Variants in ZDHHC21 observed in about 807,000 individuals in gnomAD.
The protein encoded by ZDHHC21 is zDHHC palmitoyltransferase 21.
ZDHHC21 carries 15 observed loss-of-function variants against 34.6 expected under a neutral mutation model. That is an observed-to-expected ratio of 0.43 (90% CI 0.29 to 0.67). The LOEUF is 0.67. ZDHHC21 is among the 30% of genes least tolerant of loss of function. The probability of loss-of-function intolerance (pLI) is 0.14; values close to 1 mark genes in which losing one functional copy is unlikely to be tolerated. For synonymous variants in ZDHHC21, 142 were observed against 101.8 expected (o/e 1.40, Z -2.38); for missense variants, 344 against 327.7 (o/e 1.05, Z -0.38).
At position 14,619,086 on chromosome 9, in the gene ZDHHC21, T is replaced by TAATGATA; in HGVS notation, c.677_678insTATCATT (p.Lys227IlefsTer116). On this transcript the variant is annotated frameshift_variant, in exon 10 of 10. Transcript: ENST00000380916. LOFTEE classifies it high-confidence loss of function. ...CTGAGAAGGTCTGCTGCCATGGCTTTCGGGGCCTCGATCTACAGAAGACAG... is the reference window on the plus strand; with the variant it reads ...CTGAGAAGGTCTGCTGCCATGGCTTTAATGATACGGGGCCTCGATCTACAGAAGACAG... 1 of 1,609,618 alleles carries TAATGATA rather than the reference T, an allele frequency of 6.2e-7. No homozygotes were observed. The highest frequency in any genetic ancestry group is 8.5e-7 in the Non-Finnish European group (1 of 1,178,020).
the ZDHHC21 span, among the ~76,000 whole-genome samples, chr9:14,594,352 T>C: frequency 0.59 from 89,916 of 152,076 alleles, 27,089 homozygotes; most frequent in African/African-American, 0.68. Flanking sequence ...AGTGGTATTG[T>C]TATAACGATA....
chr9:14,628,928 G>A (rs1249011297), intron 8 of ZDHHC21, among the ~76,000 whole-genome samples: 2 of 152,128 alleles, frequency 1.3e-5, no homozygotes, highest in African/African-American at 2.4e-5. Flanking sequence ...ATGTGAGGAA[G>A]AGTATATTCT....
chr9:14,596,828 C>G, the ZDHHC21 span, among the ~76,000 whole-genome samples: 2 of 152,282 alleles, frequency 1.3e-5, no homozygotes, highest in Non-Finnish European at 2.9e-5. Flanking sequence ...AGGGCCTAAA[C>G]AGTGAGTAGA....
chr9:14,644,945 G>C (rs1202781091), intron 7 of ZDHHC21, among the ~76,000 whole-genome samples: 2 of 151,942 alleles, frequency 1.3e-5, no homozygotes, highest in Middle Eastern at 6.3e-3. Flanking sequence ...CATATAAACA[G>C]AGCAAGGTAG....
intron 8 of ZDHHC21, among the ~76,000 whole-genome samples, chr9:14,621,849 T>A (rs1825362056): frequency 6.6e-6 from 1 of 152,042 alleles, no homozygotes; most frequent in Non-Finnish European, 1.5e-5. Flanking sequence ...TCCTCAAGTG[T>A]CAAATTAAGT....
chr9:14,665,826 C>T (rs1227620850), intron 5 of ZDHHC21, among the ~76,000 whole-genome samples: 1 of 147,680 alleles, frequency 6.8e-6, no homozygotes, highest in African/African-American at 2.5e-5. Context: ...CCAGGCCTGC[C>T]CTAAAAGAGC....
chr9:14,683,451 A>T (rs1330815752), intron 2 of ZDHHC21: 1 of 152,222 alleles, frequency 6.6e-6, no homozygotes, highest in Non-Finnish European at 1.5e-5. Context: ...AAAATCTAGA[A>T]GAAATGGATA....
At position 14,617,064 on chromosome 9, in the gene ZDHHC21, T is replaced by C. The variant is rs1397142607; in HGVS notation, c.*1902A>G. ...AAGGTCTTTATTTGAAAGGAATGTA[T>C]ACAATATAAGGCATTCAACTGATAT... is the stretch of plus-strand genomic sequence containing the variant. On this transcript the variant is annotated 3_prime_UTR_variant, in exon 10 of 10. Coordinates refer to ENST00000380916, the MANE Select transcript of ZDHHC21 (RefSeq NM_178566.6). The C allele has an allele frequency of 2.0e-5, 3 of 151,012 alleles. No individual in the cohort carries two copies. The highest frequency in any genetic ancestry group is 4.4e-5 in the Non-Finnish European group (3 of 67,570). 9.4% of individuals were successfully genotyped at this position (151,012 alleles called of 1,614,324 possible). A position where few individuals can be genotyped will look rare whatever the true frequency, so the allele number is the denominator to read the frequency against.
the ZDHHC21 span, among the ~76,000 whole-genome samples, chr9:14,590,911 T>C: frequency 2.6e-5 from 4 of 152,058 alleles, no homozygotes; most frequent in East Asian, 1.9e-4. Flanking sequence ...AAAGTAATAA[T>C]AATGTATCAG....
the ZDHHC21 span, among the ~76,000 whole-genome samples, chr9:14,594,402 T>A: frequency 6.6e-6 from 1 of 152,222 alleles, no homozygotes. Context: ...AAATAAGCAT[T>A]ACATTACGAT....
chr9:14,625,903 T>C (rs187527785), intron 8 of ZDHHC21, among the ~76,000 whole-genome samples: 1 of 151,946 alleles, frequency 6.6e-6, no homozygotes. Flanking sequence ...GTATCTATTA[T>C]GACACAGTCC....
chr9:14,661,255 G>A (rs1833341094), intron 6 of ZDHHC21, among the ~76,000 whole-genome samples: 1 of 150,762 alleles, frequency 6.6e-6, no homozygotes, highest in South Asian at 2.1e-4. Context: ...TCCACCAGAA[G>A]TTTGCTGAAT....
the ZDHHC21 span, among the ~76,000 whole-genome samples, chr9:14,598,983 G>A: frequency 4.6e-5 from 7 of 152,108 alleles, no homozygotes; most frequent in South Asian, 2.1e-4. Context: ...GGATGGTCTC[G>A]AACTCCTGAG....
chr9:14,657,899 T>C (rs1303500460), intron 7 of ZDHHC21, among the ~76,000 whole-genome samples: 1 of 152,206 alleles, frequency 6.6e-6, no homozygotes, highest in African/African-American at 2.4e-5. Context: ...AATATGTACA[T>C]TCTTTTACAT....
At chr9:14,661,492 T>C (rs1264179398) in intron 6 of ZDHHC21, among the ~76,000 whole-genome samples, 1 of 152,226 alleles carries the variant, frequency 6.6e-6, no homozygotes, top group Non-Finnish European at 1.5e-5. Flanking sequence ...TTTAAATATT[T>C]ATACAGAGAG....
Position 14,611,523 on chromosome 9 carries a change from T to A in ZDHHC21, c.*7443A>T, listed in dbSNP as rs1264549327. On this transcript the variant is annotated 3_prime_UTR_variant, in exon 10 of 10. Transcript: ENST00000380916. ...ACTCAGATCTATACATATTATGTAC[T>A]GAATAATAAAATGCCTGACAAATTT... The A allele has an allele frequency of 7.9e-5, 12 of 152,076 alleles. No individual in the cohort carries two copies. Among genetic ancestry groups the A allele is most frequent in the Admixed American group, 7.2e-4 (11 of 15,230 alleles). The allele number at this position is 152,076 out of a possible 1,614,324, so 9.4% of individuals were successfully genotyped here.
chr9:14,627,926 CA>C (rs761609715), intron 8 of ZDHHC21, among the ~76,000 whole-genome samples: 6 of 151,398 alleles, frequency 4.0e-5, no homozygotes, highest in Non-Finnish European at 8.9e-5. Context: ...TCAGAAACAG[CA>C]AAAAAAAACC....
chr9:14,691,081 G>C (rs961909007), intron 1 of ZDHHC21, among the ~76,000 whole-genome samples: 5 of 152,142 alleles, frequency 3.3e-5, no homozygotes, highest in Non-Finnish European at 1.5e-5. Flanking sequence ...TATTGATACT[G>C]CCACTGTGTC....
At chr9:14,605,180 A>G in the ZDHHC21 span, among the ~76,000 whole-genome samples, 6 of 150,694 alleles carry the variant, frequency 4.0e-5, no homozygotes, top group Non-Finnish European at 7.4e-5. Flanking sequence ...GGGAGTGCAA[A>G]TATCTCTTCC....
Sources: gnomAD v4.1 joint callset for allele counts (sites outside exome capture counted in the v4.1 genomes callset) on GRCh38, gnomAD v4.1.1 for gene constraint, MANE v1.5 for transcripts, NCBI Gene and HGNC (gene_info 2026-07-23, HGNC 2026-07-21) for gene names.